The following SMARCAL1 variants were observed in gnomAD, a reference collection of about 807,000 sequenced individuals.
SMARCAL1 encodes the protein SNF2 related chromatin remodeling annealing helicase 1.
Under a neutral mutation model 94.5 loss-of-function variants are expected in SMARCAL1, and 58 were observed. The ratio of observed to expected loss-of-function variants is 0.61; its 90% CI spans 0.50 to 0.76. SMARCAL1 has a LOEUF of 0.76. SMARCAL1 is among the 30% of genes least tolerant of loss of function. SMARCAL1 has a pLI of 0.00. For synonymous variants in SMARCAL1, 422 were observed against 455.1 expected (o/e 0.93, Z 0.93); for missense variants, 1,051 against 1,177.9 (o/e 0.89, Z 1.58).
intron 12 of SMARCAL1, among the ~76,000 whole-genome samples, chr2:216,451,875 T>G (rs1023446099): frequency 6.6e-6 from 1 of 152,208 alleles, no homozygotes; most frequent in African/African-American, 2.4e-5. Context: ...TTCAACATCA[T>G]GAAGCATTAT....
chr2:216,420,676 A>T (rs780105722), intron 5 of SMARCAL1, 144 bp downstream of exon 5: 1 of 735,330 alleles, frequency 1.4e-6, no homozygotes, highest in Non-Finnish European at 2.4e-6. Flanking sequence ...TAGAAAGATG[A>T]CACGTTAATT....
intron 14 of SMARCAL1, among the ~76,000 whole-genome samples, chr2:216,471,443 G>A (rs1319913408): frequency 3.3e-5 from 5 of 150,242 alleles, no homozygotes; most frequent in South Asian, 2.1e-4. Flanking sequence ...TGCAACCTTC[G>A]CCTCCTGGCT....
intron 4 of SMARCAL1, among the ~76,000 whole-genome samples, chr2:216,420,056 AAAAAG>A (rs1693682737): frequency 6.6e-6 from 1 of 151,654 alleles, no homozygotes; most frequent in Non-Finnish European, 1.5e-5. Flanking sequence ...AAGAAAAAAA[AAAAAG>A]AAAAACTTAC....
intron 9 of SMARCAL1, 24 bp from the exon 10 acceptor site, chr2:216,438,396 A>G (rs1553527424): frequency 6.2e-7 from 1 of 1,607,932 alleles, no homozygotes; most frequent in Admixed American, 1.7e-5. Flanking sequence ...GATCTTGTAC[A>G]CTTATGTGGC....
intron 13 of SMARCAL1, among the ~76,000 whole-genome samples, chr2:216,467,012 A>G (rs1162490872): frequency 6.6e-6 from 1 of 152,112 alleles, no homozygotes; most frequent in African/African-American, 2.4e-5. Context: ...GGCCTCAGCA[A>G]AGGAGCTCAC....
intron 6 of SMARCAL1, among the ~76,000 whole-genome samples, chr2:216,424,690 C>G (rs11886888): frequency 6.6e-6 from 1 of 151,680 alleles, no homozygotes; most frequent in African/African-American, 2.4e-5. Context: ...GTAAAAAAAG[C>G]GGTGGTCTTT....
intron 12 of SMARCAL1, among the ~76,000 whole-genome samples, chr2:216,457,752 A>G (rs1694603492): frequency 6.6e-6 from 1 of 152,230 alleles, no homozygotes; most frequent in Non-Finnish European, 1.5e-5. Flanking sequence ...TCTAAAATTG[A>G]CACCCTAACA....
At chr2:216,458,808 G>A (rs1273904553) in intron 12 of SMARCAL1, among the ~76,000 whole-genome samples, 3 of 152,152 alleles carry the variant, frequency 2.0e-5, no homozygotes, top group South Asian at 2.1e-4. Context: ...CTCCTATTCA[G>A]CATAGTGTTG....
chr2:216,420,453 C>T lies in SMARCAL1; in HGVS notation c.1017C>T (p.Ser339=), dbSNP rs747330354. 1.2e-6 allele frequency: 2 copies of T among 1,614,174 alleles called. No homozygotes were observed. The highest frequency in any genetic ancestry group is 1.1e-5 in the South Asian group (1 of 91,078). Residue 339 remains serine, a synonymous_variant, in exon 5 of 18, where the codon TCC becomes TCT. Coordinates refer to ENST00000357276, the MANE Select transcript of SMARCAL1 (RefSeq NM_014140.4). ...TCAAAGGGCGATGCATGCTCATCTC[C>T]AGGGCCTACTTCGAGGCAGACATCA... The part of the protein sequence containing the change: ...SFVKGRCMLI[S]RAYFEADISY...
intron 10 of SMARCAL1, among the ~76,000 whole-genome samples, chr2:216,446,134 C>A (rs1694310591): frequency 6.6e-6 from 1 of 151,752 alleles, no homozygotes; most frequent in African/African-American, 2.4e-5. Flanking sequence ...TTTTCTCACC[C>A]TCTTTCCCAT....
chr2:216,472,659 T>C, intron 14 of SMARCAL1, among the ~76,000 whole-genome samples: 1 of 93,316 alleles, frequency 1.1e-5, no homozygotes, highest in South Asian at 4.1e-4. Context: ...TAACTCCCAG[T>C]AGGAAAAAAA....
intron 12 of SMARCAL1, among the ~76,000 whole-genome samples, chr2:216,463,503 T>A (rs1187623632): frequency 6.6e-6 from 1 of 152,056 alleles, no homozygotes; most frequent in Non-Finnish European, 1.5e-5. Context: ...AAATTAAGTT[T>A]CAGATTATGA....
chr2:216,464,465 C>T, intron 12 of SMARCAL1, 132 bp from the exon 13 acceptor site: 1 of 783,110 alleles, frequency 1.3e-6, no homozygotes, highest in African/African-American at 1.7e-5. Flanking sequence ...GAATCATTGT[C>T]AGCACCAGGG....
At chr2:216,425,201 G>T (rs1179333388) in intron 6 of SMARCAL1, among the ~76,000 whole-genome samples, 3 of 152,224 alleles carry the variant, frequency 2.0e-5, no homozygotes, top group Non-Finnish European at 4.4e-5. Flanking sequence ...GCAGCAGAGG[G>T]TTTGTGAGCA....
In SMARCAL1 at chr2:216,478,275, A is replaced by G; in HGVS notation, c.2601A>G (p.Thr867=). 1.2e-6 allele frequency: 2 copies of G among 1,613,948 alleles called. No individual in the cohort carries two copies. The highest frequency in any genetic ancestry group is 2.2e-5 in the South Asian group (2 of 91,076). The part of the protein sequence containing the change: ...GLSETNFSEM[T]ESTDYLYKDP... ...CTGAGACCAATTTTTCAGAAATGAC[A>G]GAATCCACTGATTACCTCTACAAGG... Residue 867 remains threonine, a synonymous_variant, in exon 17 of 18, where the codon ACA becomes ACG. Transcript: ENST00000357276.
intron 14 of SMARCAL1, among the ~76,000 whole-genome samples, chr2:216,472,612 C>T (rs1305352479): frequency 6.7e-6 from 1 of 149,402 alleles, no homozygotes; most frequent in African/African-American, 2.5e-5. Context: ...ACCTCTGTGA[C>T]ATACAAATAA....
intron 3 of SMARCAL1, 96 bp from the exon 4 acceptor site, chr2:216,416,161 A>G (rs1208466681): frequency 2.9e-6 from 3 of 1,031,492 alleles, no homozygotes; most frequent in African/African-American, 3.1e-5. Context: ...GCTGTTTTGA[A>G]CTTGGCGTCC....
chr2:216,468,242 C>T (rs889127020), intron 14 of SMARCAL1, among the ~76,000 whole-genome samples, 196 bp downstream of exon 14: 4 of 152,206 alleles, frequency 2.6e-5, no homozygotes, highest in African/African-American at 2.4e-5. Flanking sequence ...TTTTAACTTC[C>T]TCCATGCTCC....
Position 216,450,874 on chromosome 2 carries a change from CCT to C in SMARCAL1, c.1882_1883del (p.Ser628GlnfsTer63), listed in dbSNP as rs1694435381. ...CCTTGGGGGTGGGACTACTCAGGTTCCTCCAACCTGGGAGAGCTGAAGCTCCT... is the reference window on the plus strand; with the variant it reads ...CCTTGGGGGTGGGACTACTCAGGTTCCCAACCTGGGAGAGCTGAAGCTCCT... On this transcript the variant is annotated frameshift_variant, in exon 12 of 18. Transcript: ENST00000357276. LOFTEE classifies it high-confidence loss of function. 5 of 1,613,990 alleles carry C rather than the reference CCT, an allele frequency of 3.1e-6. No individual in the cohort carries two copies. Among genetic ancestry groups the C allele is most frequent in the African/African-American group, 1.3e-5 (1 of 74,940 alleles).
Sources: gnomAD v4.1 joint callset for allele counts (sites outside exome capture counted in the v4.1 genomes callset) on GRCh38, gnomAD v4.1.1 for gene constraint, MANE v1.5 for transcripts, NCBI Gene and HGNC (gene_info 2026-07-23, HGNC 2026-07-21) for gene names.